The following ADGRL3 variants were observed in gnomAD, a reference collection of about 807,000 sequenced individuals.
The protein encoded by ADGRL3 is adhesion G protein-coupled receptor L3.
ADGRL3 carries 62 observed loss-of-function variants against 153.5 expected under a neutral mutation model. That is an observed-to-expected ratio of 0.40 (90% CI 0.33 to 0.50). ADGRL3 has a LOEUF of 0.50. ADGRL3 is among the 20% of genes least tolerant of loss of function. The pLI is 0.47. For missense variants in ADGRL3, 1,641 were observed against 1,859.4 expected (o/e 0.88, Z 2.16); for synonymous variants, 710 against 672.5 (o/e 1.06, Z -0.86).
intron 4 of ADGRL3, among the ~76,000 whole-genome samples, chr4:61,528,244 A>G (rs1266289357): frequency 6.6e-6 from 1 of 152,152 alleles, no homozygotes; most frequent in African/African-American, 2.4e-5. Flanking sequence ...GCAGCAAGCC[A>G]TCAGTGTTAG....
At chr4:61,749,993 A>G (rs2096731503) in intron 8 of ADGRL3, among the ~76,000 whole-genome samples, 1 of 152,122 alleles carries the variant, frequency 6.6e-6, no homozygotes, top group Non-Finnish European at 1.5e-5. Context: ...TGAATGATTC[A>G]TTGATTGATT....
intron 4 of ADGRL3, among the ~76,000 whole-genome samples, chr4:61,548,000 GT>G (rs2098722008): frequency 6.6e-6 from 1 of 152,030 alleles, no homozygotes; most frequent in East Asian, 1.9e-4. Flanking sequence ...GATTAGTGAT[GT>G]TGAGTATTTT....
At chr4:61,792,679 G>A (rs1173789030) in intron 8 of ADGRL3, among the ~76,000 whole-genome samples, 6 of 151,680 alleles carry the variant, frequency 4.0e-5, no homozygotes, top group Non-Finnish European at 7.4e-5. Flanking sequence ...TAGTAGAGAC[G>A]GAGTTTCACC....
intron 13 of ADGRL3, among the ~76,000 whole-genome samples, chr4:61,922,588 A>G (rs1056750675): frequency 1.3e-5 from 2 of 152,238 alleles, no homozygotes; most frequent in African/African-American, 4.8e-5. Context: ...TAGCTCTGCT[A>G]GGCTGTGGCA....
intron 17 of ADGRL3, among the ~76,000 whole-genome samples, chr4:61,960,341 CAA>C (rs1362027383): frequency 6.6e-6 from 1 of 152,124 alleles, no homozygotes; most frequent in African/African-American, 2.4e-5. Flanking sequence ...GGAACAAAAA[CAA>C]GACCCTGAAC....
At chr4:61,396,604 A>G (rs1465876341) in intron 2 of ADGRL3, among the ~76,000 whole-genome samples, 4 of 152,080 alleles carry the variant, frequency 2.6e-5, no homozygotes, top group Admixed American at 2.6e-4. Flanking sequence ...TTTACAGTGT[A>G]GGTCAAAATG....
intron 1 of ADGRL3, among the ~76,000 whole-genome samples, chr4:61,327,209 G>T (rs1048229853): frequency 6.6e-6 from 1 of 151,802 alleles, no homozygotes; most frequent in Non-Finnish European, 1.5e-5. Context: ...AATGCTGTAT[G>T]TTAAATGTAT....
intron 2 of ADGRL3, chr4:61,420,159 A>G (rs1210235727): frequency 2.0e-5 from 3 of 152,102 alleles, no homozygotes; most frequent in African/African-American, 7.2e-5. Context: ...TGGGCATGAC[A>G]ACATAATAAA....
chr4:61,566,181 G>A (rs933916159), intron 4 of ADGRL3, among the ~76,000 whole-genome samples: 2 of 144,210 alleles, frequency 1.4e-5, no homozygotes, highest in African/African-American at 5.1e-5. Context: ...GGATCAATAT[G>A]TTTGCAGGGT....
At chr4:61,522,531 C>T (rs552159666) in intron 4 of ADGRL3, among the ~76,000 whole-genome samples, 10 of 152,042 alleles carry the variant, frequency 6.6e-5, no homozygotes, top group Non-Finnish European at 1.2e-4. Context: ...ATTTTACGTA[C>T]GATGATGTAA....
At chr4:61,710,941 A>G (rs902692986) in intron 6 of ADGRL3, among the ~76,000 whole-genome samples, 38 of 152,256 alleles carry the variant, frequency 2.5e-4, no homozygotes, top group African/African-American at 7.9e-4. Context: ...AACTTAATTT[A>G]ACATTCCATC....
At chr4:61,631,567 A>C (rs2093167246) in intron 5 of ADGRL3, among the ~76,000 whole-genome samples, 1 of 152,120 alleles carries the variant, frequency 6.6e-6, no homozygotes, top group Admixed American at 6.6e-5. Context: ...CTCTTTGCTT[A>C]TGATGTTGCT....
chr4:61,816,317 G>A (rs1425014734), intron 9 of ADGRL3, among the ~76,000 whole-genome samples: 2 of 152,176 alleles, frequency 1.3e-5, no homozygotes, highest in African/African-American at 4.8e-5. Flanking sequence ...ATGTTTTATA[G>A]TTAACAGGCT....
chr4:61,494,344 C>T (rs335273), intron 2 of ADGRL3, among the ~76,000 whole-genome samples: 118,472 of 151,894 alleles, frequency 0.78, 47,404 homozygotes, highest in East Asian at 0.95. Context: ...TTTTGACTCT[C>T]GTATACTCCA....
chr4:61,970,108 G>A (rs2099021498), intron 17 of ADGRL3, among the ~76,000 whole-genome samples: 2 of 152,094 alleles, frequency 1.3e-5, no homozygotes, highest in African/African-American at 4.8e-5. Flanking sequence ...TATACTCTTT[G>A]CTTCAGTTTC....
intron 2 of ADGRL3, among the ~76,000 whole-genome samples, chr4:61,482,544 C>T (rs1000233751): frequency 1.3e-5 from 2 of 151,968 alleles, no homozygotes; most frequent in East Asian, 1.9e-4. Flanking sequence ...ACCACTCTTC[C>T]GAGAAAAGAC....
intron 17 of ADGRL3, among the ~76,000 whole-genome samples, chr4:61,973,611 T>C (rs1465071971): frequency 6.6e-6 from 1 of 152,196 alleles, no homozygotes; most frequent in African/African-American, 2.4e-5. Context: ...GGAATAATTC[T>C]GTCATTCTCC....
chr4:61,598,936 G>A (rs2099000134), intron 5 of ADGRL3, among the ~76,000 whole-genome samples: 1 of 152,110 alleles, frequency 6.6e-6, no homozygotes, highest in Non-Finnish European at 1.5e-5. Context: ...ATTAATACAA[G>A]GATATGACCC....
chr4:61,454,481 T>C (rs949507697), intron 2 of ADGRL3, among the ~76,000 whole-genome samples: 3 of 152,058 alleles, frequency 2.0e-5, no homozygotes, highest in African/African-American at 7.2e-5. Flanking sequence ...ACTTTTTTGG[T>C]GAGAAGTATG....
Sources: gnomAD v4.1 joint callset for allele counts (sites outside exome capture counted in the v4.1 genomes callset) on GRCh38, gnomAD v4.1.1 for gene constraint, MANE v1.5 for transcripts, NCBI Gene and HGNC (gene_info 2026-07-23, HGNC 2026-07-21) for gene names.